The following AKIP1 variants were observed in gnomAD, a reference collection of about 807,000 sequenced individuals.
AKIP1 encodes A-kinase-interacting protein 1.
A neutral mutation model predicts 22.3 loss-of-function variants in AKIP1; 18 were observed. The ratio of observed to expected loss-of-function variants is 0.81; its 90% CI spans 0.56 to 1.19. The LOEUF (loss-of-function observed/expected upper bound fraction) is 1.19. AKIP1 is among the 50% of genes most tolerant of loss of function. The probability of loss-of-function intolerance (pLI) is 0.00; values close to 1 mark genes in which losing one functional copy is unlikely to be tolerated. For synonymous variants in AKIP1, 120 were observed against 102.7 expected, an observed-to-expected ratio of 1.17 and a Z score of -1.02; for missense variants, 287 against 264.6, an observed-to-expected ratio of 1.08 and a Z score of -0.59.
chr11:8,918,873 G>T (rs1435461862), intron 5 of AKIP1, among the ~76,000 whole-genome samples: 1 of 152,206 alleles, frequency 6.6e-6, no homozygotes, highest in Non-Finnish European at 1.5e-5. Flanking sequence ...TAGGACAAAA[G>T]AAATGCCTGT....
At chr11:8,911,398 C>T in intron 1 of AKIP1, 46 bp from the exon 2 acceptor site, 1 of 1,497,518 alleles carries the variant, frequency 6.7e-7, no homozygotes, top group South Asian at 1.3e-5. Context: ...AGGGTCGCCG[C>T]GGCCCAGCTG....
intron 3 of AKIP1, among the ~76,000 whole-genome samples, chr11:8,913,850 C>T (rs892799136): frequency 2.0e-5 from 3 of 152,206 alleles, no homozygotes; most frequent in African/African-American, 7.2e-5. Context: ...TCAATAGCCT[C>T]AACTCTACTG....
intron 3 of AKIP1, among the ~76,000 whole-genome samples, chr11:8,913,290 C>A (rs1040913178): frequency 6.6e-6 from 1 of 151,432 alleles, no homozygotes. Context: ...CTGGTTCAAG[C>A]GATTCTCCTG....
chr11:8,917,735 C>T (rs1296243629), intron 5 of AKIP1: 2 of 384,844 alleles, frequency 5.2e-6, no homozygotes, highest in Non-Finnish European at 9.3e-6. Flanking sequence ...AAGTGAAAAC[C>T]ATTGCTGAAA....
chr11:8,914,874 C>A lies in AKIP1; in HGVS notation c.352C>A (p.Arg118Ser), dbSNP rs771033387. 6.2e-7 allele frequency: 1 copy of A among 1,613,970 alleles called. No individual in the cohort carries two copies. The highest frequency in any genetic ancestry group is 1.1e-5 in the South Asian group (1 of 91,078). The change falls in exon 4 of 6, where the codon CGT (arginine) becomes AGT (serine). Residue 118 changes from arginine to serine, a missense_variant. By Grantham distance (110) the Arg-to-Ser change is moderately radical. Transcript: ENST00000309377. Reference sequence around the variant, plus strand: ...GGAAGGAGGGGCAACCCATGTCTATCGTTATCACAGAGGCGAGTCGAAGCT... The same window carrying A: ...GGAAGGAGGGGCAACCCATGTCTATAGTTATCACAGAGGCGAGTCGAAGCT... ...PEEGGATHVY[R>S]YHRGESKLHM... is the part of the protein sequence containing the mutation.
At chr11:8,917,544 G>A (rs2064505409) in intron 5 of AKIP1, 177 bp downstream of exon 5, 8 of 615,290 alleles carry the variant, frequency 1.3e-5, no homozygotes, top group Admixed American at 7.4e-5. Flanking sequence ...GGTTTTCTTG[G>A]TATTCTTCCT....
intron 5 of AKIP1, 29 bp from the exon 6 acceptor site, chr11:8,919,308 A>C (rs1566108022): frequency 1.2e-6 from 2 of 1,601,798 alleles, no homozygotes; most frequent in Non-Finnish European, 1.7e-6. Flanking sequence ...TAAAATCTCT[A>C]AACTGCTAAT....
chr11:8,911,366 G>A (rs756474559), intron 1 of AKIP1, 78 bp from the exon 2 acceptor site: 25 of 1,333,552 alleles, frequency 1.9e-5, no homozygotes, highest in Admixed American at 1.3e-4. Context: ...TCGAGGCTGG[G>A]GCTCCCACCC....
chr11:8,912,314 CTT>C (rs2064389880), intron 2 of AKIP1, 137 bp from the exon 3 acceptor site: 2 of 645,488 alleles, frequency 3.1e-6, no homozygotes, highest in Admixed American at 2.6e-5. Context: ...AGTTGGAATT[CTT>C]TCTCAATAAC....
intron 2 of AKIP1, among the ~76,000 whole-genome samples, chr11:8,912,181 G>A (rs1457782886): frequency 2.6e-5 from 3 of 115,510 alleles, no homozygotes; most frequent in African/African-American, 1.0e-4. Flanking sequence ...TGGGCAACAA[G>A]AGCGAAACCT....
At position 8,911,581 on chromosome 11, in the gene AKIP1, T is replaced by C. The variant is rs11550425; in HGVS notation, c.132T>C (p.Arg44=). 2 of 1,610,970 alleles carry C rather than the reference T, an allele frequency of 1.2e-6. No individual in the cohort carries two copies. The highest frequency in any genetic ancestry group is 3.4e-5 in the Admixed American group (2 of 59,670). ...RRAVDWHALE[R]PKGCMGVLAR... The stretch of plus-strand genomic sequence containing the variant: ...CGGTGGACTGGCATGCCCTGGAGCG[T>C]CCCAAAGGCTGCATGGGGGTCCTTG... Residue 44 remains arginine (R), a synonymous_variant, in exon 2 of 6, where the codon CGT becomes CGC. Transcript: ENST00000309377.
At chr11:8,915,256 T>C (rs986363318) in intron 4 of AKIP1, among the ~76,000 whole-genome samples, 4 of 151,816 alleles carry the variant, frequency 2.6e-5, no homozygotes, top group African/African-American at 9.7e-5. Context: ...CCTGTGACTA[T>C]CCCCTGCATT....
At chr11:8,912,568 CCTG>C (rs1566103204) in intron 3 of AKIP1, 35 bp downstream of exon 3, 3 of 1,539,078 alleles carry the variant, frequency 1.9e-6, no homozygotes, top group Admixed American at 1.7e-5. Context: ...TGCCCCATCA[CCTG>C]CTGATGGACC....
chr11:8,916,585 G>A (rs561982086), intron 4 of AKIP1, among the ~76,000 whole-genome samples: 15 of 152,298 alleles, frequency 9.8e-5, no homozygotes, highest in African/African-American at 3.1e-4. Context: ...CAGCCATTTT[G>A]GGGTGTTAGA....
chr11:8,915,278 A>C (rs1414553634), intron 4 of AKIP1, among the ~76,000 whole-genome samples: 1 of 151,720 alleles, frequency 6.6e-6, no homozygotes, highest in Admixed American at 6.6e-5. Flanking sequence ...TATCCTGGGC[A>C]ACATAGACCC....
At chr11:8,914,548 C>A (rs1028466562) in intron 3 of AKIP1, among the ~76,000 whole-genome samples, 1 of 152,218 alleles carries the variant, frequency 6.6e-6, no homozygotes, top group Non-Finnish European at 1.5e-5. Flanking sequence ...TTTAACCTGG[C>A]AGAGAGCATG....
In AKIP1 at chr11:8,919,858, C is replaced by T. The variant is rs1028264038; in HGVS notation, c.*378C>T. 5 of 180,500 alleles carry T rather than the reference C, an allele frequency of 2.8e-5. No individual in the cohort carries two copies. Among genetic ancestry groups the T allele is most frequent in the South Asian group, 2.5e-4 (2 of 8,046 alleles). The allele number at this position is 180,500 out of a possible 1,614,324, so 11.2% of individuals were successfully genotyped here. A position where few individuals can be genotyped will look rare whatever the true frequency, so the allele number is the denominator to read the frequency against. On this transcript the variant is annotated 3_prime_UTR_variant, in exon 6 of 6. Transcript: ENST00000309377. Reference sequence around the variant, plus strand: ...TTCACCATGTTGGCCAGGATGGTCTCGATCTCTTGACCTCGTGATCCACCC... The same window carrying T: ...TTCACCATGTTGGCCAGGATGGTCTTGATCTCTTGACCTCGTGATCCACCC...
rs777816809 is a variant in AKIP1, at chr11:8,914,931, G to A, written c.408+1G>A. On this transcript the variant is annotated splice_donor_variant, in intron 4 of 5. Transcript: ENST00000309377. LOFTEE classifies it high-confidence loss of function. Reference sequence around the variant, plus strand: ...GTGCTTGGACATAGGGAATGGTCAGGTAAGTGTACTCAACTGTCCTGCACC... The same window carrying A: ...GTGCTTGGACATAGGGAATGGTCAGATAAGTGTACTCAACTGTCCTGCACC... 4 of 1,610,742 alleles carry A rather than the reference G, an allele frequency of 2.5e-6. No homozygotes were observed. The highest frequency in any genetic ancestry group is 1.1e-5 in the South Asian group (1 of 91,014).
intron 3 of AKIP1, among the ~76,000 whole-genome samples, chr11:8,913,436 T>G (rs972067719): frequency 6.7e-6 from 1 of 148,896 alleles, no homozygotes; most frequent in African/African-American, 2.5e-5. Context: ...GATCCGCGCA[T>G]CTTGGCCTCC....
Sources: allele counts gnomAD v4.1 joint callset (sites outside exome capture counted in the v4.1 genomes callset), GRCh38; gene constraint gnomAD v4.1.1; transcripts MANE v1.5; gene names NCBI Gene and HGNC (gene_info 2026-07-23, HGNC 2026-07-21).